The following ANTXR2 variants were observed in gnomAD, a reference collection of about 807,000 sequenced individuals.
ANTXR2 encodes the protein ANTXR cell adhesion molecule 2.
ANTXR2 carries 44 observed loss-of-function variants against 73.7 expected under a neutral mutation model. The ratio of observed to expected loss-of-function variants is 0.60; its 90% CI spans 0.47 to 0.77. The LOEUF (loss-of-function observed/expected upper bound fraction) is 0.77. ANTXR2 is among the 30% of genes least tolerant of loss of function. The pLI is 0.00. For missense variants in ANTXR2, 604 were observed against 592.5 expected, an observed-to-expected ratio of 1.02 and a Z score of -0.20; for synonymous variants, 217 against 205.9, an observed-to-expected ratio of 1.05 and a Z score of -0.46.
At chr4:79,975,797 T>G (rs1729598884) in intron 16 of ANTXR2, among the ~76,000 whole-genome samples, 1 of 152,214 alleles carries the variant, frequency 6.6e-6, no homozygotes, top group South Asian at 2.1e-4. Flanking sequence ...CCACAGTGAT[T>G]GGATCATGAC....
chr4:79,909,399 C>G (rs1727037968), intron 16 of ANTXR2, among the ~76,000 whole-genome samples: 1 of 152,056 alleles, frequency 6.6e-6, no homozygotes, highest in Admixed American at 6.5e-5. Context: ...AGAGTGTTAA[C>G]TTTAAGCAAC....
At chr4:80,057,032 G>A (rs4530575) in intron 3 of ANTXR2, among the ~76,000 whole-genome samples, 72,991 of 151,630 alleles carry the variant, frequency 0.48, 17,988 homozygotes, top group Non-Finnish European at 0.52. Flanking sequence ...TTCAATAGAA[G>A]CAAAAAAAAT....
At chr4:80,015,334 C>G (rs541367949) in intron 11 of ANTXR2, among the ~76,000 whole-genome samples, 2 of 152,276 alleles carry the variant, frequency 1.3e-5, no homozygotes, top group Admixed American at 6.5e-5. Flanking sequence ...CCATAACCAC[C>G]AGTAAGTCAC....
chr4:79,983,787 A>G, intron 14 of ANTXR2, 91 bp downstream of exon 14: 1 of 974,278 alleles, frequency 1.0e-6, no homozygotes. Context: ...ATATTATAAT[A>G]TTGAATTGTG....
chr4:79,965,531 GCA>G (rs1462938765), intron 16 of ANTXR2, among the ~76,000 whole-genome samples: 4 of 152,052 alleles, frequency 2.6e-5, no homozygotes, highest in African/African-American at 4.8e-5. Flanking sequence ...TGCTTTATAA[GCA>G]CACACATGGA....
rs138843578 is a variant in ANTXR2 at position 80,014,224 on chromosome 4, A to T, written c.945+4674T>A. Among the ~76,000 whole-genome samples, 858 of 151,960 alleles carry T rather than the reference A, an allele frequency of 5.6e-3. 11 individuals are homozygous for T. The highest frequency in any genetic ancestry group is 0.02 in the African/African-American group (812 of 41,430). ...AAACTTTAAACTTCAGTCAAATTGGATTTCTTCTAACTGTGGGTCTTGGAT... is the reference window on the plus strand; with the variant it reads ...AAACTTTAAACTTCAGTCAAATTGGTTTTCTTCTAACTGTGGGTCTTGGAT... On this transcript the variant is annotated intron_variant, in intron 11 of 16. Transcript: ENST00000403729.
chr4:80,045,730 T>A (rs1467081449), intron 7 of ANTXR2, among the ~76,000 whole-genome samples: 1 of 151,816 alleles, frequency 6.6e-6, no homozygotes, highest in African/African-American at 2.4e-5. Context: ...TAATTAGACA[T>A]CCAACTGCAT....
At chr4:79,985,990 C>A (rs970505708) in intron 12 of ANTXR2, among the ~76,000 whole-genome samples, 19 of 151,928 alleles carry the variant, frequency 1.3e-4, no homozygotes, top group African/African-American at 4.4e-4. Context: ...TACAGGCGCC[C>A]GCCACCACGC....
At chr4:80,004,242 A>G (rs1157354191) in intron 12 of ANTXR2, among the ~76,000 whole-genome samples, 1 of 151,996 alleles carries the variant, frequency 6.6e-6, no homozygotes, top group Admixed American at 6.6e-5. Flanking sequence ...AAAAAATAAA[A>G]AGTTCAGGGT....
At chr4:79,984,884 T>G in intron 12 of ANTXR2, 21 bp from the exon 13 acceptor site, 1 of 1,564,024 alleles carries the variant, frequency 6.4e-7, no homozygotes, top group Non-Finnish European at 8.7e-7. Context: ...AAATCAAATA[T>G]AAAAATTTCT....
rs1726954467 is a variant in ANTXR2, at chr4:79,907,330, A to G, written c.*99T>C. 1 of 1,343,224 alleles carries G rather than the reference A, an allele frequency of 7.4e-7. No homozygotes were observed. Among genetic ancestry groups the G allele is most frequent in the East Asian group, 2.3e-5 (1 of 43,326 alleles). 83.2% of individuals were successfully genotyped at this position (1,343,224 alleles called of 1,614,324 possible). A position where few individuals can be genotyped will look rare whatever the true frequency, so the allele number is the denominator to read the frequency against. On this transcript the variant is annotated 3_prime_UTR_variant, in exon 17 of 17. Transcript: ENST00000403729. ...CTGAGAGGAATTAAGCTGCTCTTCC[A>G]AAAGCTTCTGAAATGCACTTGATTT...
At chr4:79,931,311 C>A (rs1385907848) in intron 16 of ANTXR2, among the ~76,000 whole-genome samples, 5 of 152,104 alleles carry the variant, frequency 3.3e-5, no homozygotes, top group Admixed American at 6.6e-5. Context: ...CAAGAGAGAG[C>A]AAATGAATAG....
At chr4:80,003,562 A>C (rs1256382194) in intron 12 of ANTXR2, among the ~76,000 whole-genome samples, 1 of 151,884 alleles carries the variant, frequency 6.6e-6, no homozygotes, top group Non-Finnish European at 1.5e-5. Flanking sequence ...AAAGTATAAT[A>C]ATAATAAAAT....
chr4:79,953,412 G>T (rs1019136276), intron 16 of ANTXR2, among the ~76,000 whole-genome samples: 1 of 152,072 alleles, frequency 6.6e-6, no homozygotes, highest in Non-Finnish European at 1.5e-5. Flanking sequence ...AAATTTAACG[G>T]AAGTCTAAAA....
intron 11 of ANTXR2, among the ~76,000 whole-genome samples, chr4:80,013,816 G>GT (rs145503409): frequency 0.094 from 14,324 of 152,158 alleles, 766 homozygotes; most frequent in Middle Eastern, 0.23. Context: ...GGAATTTGAG[G>GT]TTAAATACAA....
chr4:80,061,975 A>G (rs1020065916), intron 3 of ANTXR2, among the ~76,000 whole-genome samples: 1 of 152,192 alleles, frequency 6.6e-6, no homozygotes, highest in African/African-American at 2.4e-5. Flanking sequence ...CAATTTAAAA[A>G]TTGTTTAAAG....
At chr4:79,986,563 T>C (rs1410968949) in intron 12 of ANTXR2, among the ~76,000 whole-genome samples, 2 of 152,144 alleles carry the variant, frequency 1.3e-5, no homozygotes, top group African/African-American at 4.8e-5. Flanking sequence ...AAAGAAAGAT[T>C]GACAATAATG....
chr4:79,974,743 C>A (rs1468192079), intron 16 of ANTXR2, among the ~76,000 whole-genome samples: 2 of 149,062 alleles, frequency 1.3e-5, no homozygotes, highest in East Asian at 2.0e-4. Flanking sequence ...AGGCTTTGGA[C>A]TTATCTTAGA....
At chr4:80,005,904 A>C (rs1270458984) in intron 12 of ANTXR2, among the ~76,000 whole-genome samples, 1 of 152,150 alleles carries the variant, frequency 6.6e-6, no homozygotes, top group East Asian at 1.9e-4. Context: ...TTCTATTACA[A>C]GACATAGGAG....
Sources: allele counts gnomAD v4.1 joint callset (sites outside exome capture counted in the v4.1 genomes callset), GRCh38; gene constraint gnomAD v4.1.1; transcripts MANE v1.5; gene names NCBI Gene and HGNC (gene_info 2026-07-23, HGNC 2026-07-21).